The following SYTL5 variants were observed in gnomAD, a reference collection of about 807,000 sequenced individuals.
The protein encoded by SYTL5 is synaptotagmin like 5.
SYTL5 carries 34 observed loss-of-function variants against 55.9 expected under a neutral mutation model. The ratio of observed to expected loss-of-function variants is 0.61; its 90% confidence interval spans 0.46 to 0.81. The LOEUF (loss-of-function observed/expected upper bound fraction) is 0.81. Among genes scored for constraint, SYTL5 ranks in the 30% least tolerant of loss-of-function variants. The probability of loss-of-function intolerance (pLI) is 0.00; values close to 1 mark genes in which losing one functional copy is unlikely to be tolerated. For synonymous variants in SYTL5, 221 were observed against 188.7 expected (o/e 1.17, Z -1.40); for missense variants, 637 against 546.7 (o/e 1.17, Z -1.65).
chrX:38,050,179 A>T (rs1362605419), intron 2 of SYTL5, among the ~76,000 whole-genome samples: 2 of 112,302 alleles, frequency 1.8e-5, no homozygotes, highest in Non-Finnish European at 3.8e-5. Context: ...AATTGCTTCC[A>T]TTCTAAAATT....
chrX:38,090,493 T>C (rs1936774427), intron 7 of SYTL5, among the ~76,000 whole-genome samples: 1 of 112,227 alleles, frequency 8.9e-6, no homozygotes, highest in Non-Finnish European at 1.9e-5. Flanking sequence ...AAGTTATATT[T>C]GGAATGAATT....
chrX:38,071,414 A>G (rs918345612), intron 3 of SYTL5, among the ~76,000 whole-genome samples: 2 of 110,897 alleles, frequency 1.8e-5, no homozygotes, highest in Non-Finnish European at 3.8e-5. Flanking sequence ...TGAATTTATT[A>G]CTCCTCTTTT....
the SYTL5 span, among the ~76,000 whole-genome samples, chrX:37,952,532 T>C: frequency 1.8e-5 from 2 of 111,536 alleles, no homozygotes; most frequent in Admixed American, 1.9e-4. Flanking sequence ...ACTCCATCTC[T>C]AGTGGAAGGA....
chrX:37,999,502 T>C, the SYTL5 span, among the ~76,000 whole-genome samples: 1 of 111,765 alleles, frequency 8.9e-6, no homozygotes, highest in Non-Finnish European at 1.9e-5. Context: ...CATACCATGG[T>C]TGGGAGTTAT....
the SYTL5 span, among the ~76,000 whole-genome samples, chrX:37,925,030 A>C: frequency 9.2e-6 from 1 of 108,775 alleles, no homozygotes; most frequent in South Asian, 3.9e-4. Flanking sequence ...CCCTCCCCCT[A>C]CCCTTCCCAG....
intron 15 of SYTL5, among the ~76,000 whole-genome samples, chrX:38,123,758 T>C (rs1937597762): frequency 8.9e-6 from 1 of 111,889 alleles, no homozygotes; most frequent in African/African-American, 3.2e-5. Context: ...TAAAAGACAG[T>C]ATTTTTGTTC....
chrX:37,970,936 G>A, the SYTL5 span, among the ~76,000 whole-genome samples: 1 of 112,213 alleles, frequency 8.9e-6, no homozygotes, highest in South Asian at 3.6e-4. Flanking sequence ...ATTAATAGAT[G>A]CAAACATAAT....
At chrX:38,096,061 C>A in intron 8 of SYTL5, 73 bp from the exon 9 acceptor site, 2 of 527,912 alleles carry the variant, frequency 3.8e-6, no homozygotes, top group Non-Finnish European at 6.2e-6. Flanking sequence ...AGGTGAAACA[C>A]TTGGAATAAA....
intron 11 of SYTL5, 112 bp downstream of exon 11, chrX:38,106,883 G>A: frequency 1.6e-6 from 1 of 619,119 alleles, no homozygotes; most frequent in East Asian, 4.0e-5. Flanking sequence ...TCTTCTCAGA[G>A]AGTTGATTGT....
the SYTL5 span, chrX:37,991,195 G>A: frequency 8.3e-7 from 1 of 1,206,070 alleles, no homozygotes; most frequent in Non-Finnish European, 1.1e-6. Context: ...AATGACTGAA[G>A]ACTGGGTCCC....
chrX:38,073,681 T>C lies in SYTL5; in HGVS notation c.537T>C (p.Asp179=). The C allele has an allele frequency of 8.4e-7, 1 of 1,190,784 alleles. No homozygotes were observed. Among genetic ancestry groups the C allele is most frequent in the Non-Finnish European group, 1.1e-6 (1 of 882,097 alleles). ...SPVAGKKASH[D]GPKRKGFLLS... The stretch of plus-strand genomic sequence containing the variant: ...TTGCTGGGAAGAAGGCCAGCCATGA[T>C]GGGCCCAAGAGAAAGGGGTAAGACA... Residue 179 remains aspartate, a synonymous_variant, in exon 5 of 17, where the codon GAT becomes GAC. Transcript: ENST00000297875.
At chrX:38,051,037 T>TA (rs1472901677) in intron 2 of SYTL5, among the ~76,000 whole-genome samples, 1 of 112,022 alleles carries the variant, frequency 8.9e-6, no homozygotes, top group Non-Finnish European at 1.9e-5. Context: ...AGTGAACAGA[T>TA]AAATGACTAC....
chrX:37,956,249 T>C, the SYTL5 span, among the ~76,000 whole-genome samples: 3 of 112,073 alleles, frequency 2.7e-5, no homozygotes, highest in African/African-American at 9.7e-5. Flanking sequence ...TTAAATCAAG[T>C]CATTTAATTA....
chrX:37,893,658 A>C, the SYTL5 span, among the ~76,000 whole-genome samples: 11 of 59,514 alleles, frequency 1.8e-4, no homozygotes, highest in African/African-American at 2.3e-4. Flanking sequence ...ATTATATATA[A>C]AATCTATATA....
upstream of SYTL5, among the ~76,000 whole-genome samples, chrX:38,003,717 A>G (rs370218331): frequency 1.8e-5 from 2 of 112,109 alleles, no homozygotes; most frequent in African/African-American, 6.5e-5. Context: ...ACAGAATTGG[A>G]AAAAACTACT....
the SYTL5 span, among the ~76,000 whole-genome samples, chrX:37,980,711 G>C: frequency 9.0e-6 from 1 of 111,219 alleles, no homozygotes; most frequent in South Asian, 3.8e-4. Context: ...AGAAGTTCAG[G>C]ACTTCAGCAT....
chrX:37,940,604 G>GTATATATATATATATATATATATA, the SYTL5 span, among the ~76,000 whole-genome samples: 5 of 94,869 alleles, frequency 5.3e-5, no homozygotes, highest in African/African-American at 1.9e-4. Context: ...AGGTGTGTAT[G>GTATATATATATATATATATATATA]TATATATATA....
the SYTL5 span, among the ~76,000 whole-genome samples, chrX:37,987,364 A>T: frequency 8.9e-6 from 1 of 112,174 alleles, no homozygotes; most frequent in Admixed American, 9.4e-5. Context: ...ACAAAGAATT[A>T]TTCAGTCCAA....
intron 9 of SYTL5, among the ~76,000 whole-genome samples, 155 bp from the exon 10 acceptor site, chrX:38,102,187 C>T (rs942257023): frequency 8.1e-5 from 9 of 110,475 alleles, no homozygotes; most frequent in East Asian, 2.8e-4. Context: ...TCAGATTGAC[C>T]GGAGAGGAAA....
Sources: allele counts gnomAD v4.1 joint callset (sites outside exome capture counted in the v4.1 genomes callset), GRCh38; gene constraint gnomAD v4.1.1; transcripts MANE v1.5; gene names NCBI Gene and HGNC (gene_info 2026-07-23, HGNC 2026-07-21).